MYLK3: variants seen among roughly 807,000 people sequenced by gnomAD.
The protein encoded by MYLK3 is MLC kinase.
Under a neutral mutation model 76.3 loss-of-function variants are expected in MYLK3, and 55 were observed. That is an observed-to-expected ratio of 0.72 (90% CI 0.58 to 0.90). The LOEUF (loss-of-function observed/expected upper bound fraction) is 0.90. Ranked by LOEUF, MYLK3 falls within the 40% of genes least tolerant of loss-of-function variation. The pLI, the probability that MYLK3 is intolerant of heterozygous loss-of-function variation, is 0.00. For missense variants in MYLK3, 973 were observed against 1,053.6 expected, an observed-to-expected ratio of 0.92 and a Z score of 1.06; for synonymous variants, 416 against 425.4, an observed-to-expected ratio of 0.98 and a Z score of 0.27.
chr16:46,707,496 G>T lies in MYLK3; in HGVS notation c.*208C>A. 1 of 533,898 alleles carries T rather than the reference G, an allele frequency of 1.9e-6. No individual in the cohort carries two copies. The allele number at this position is 533,898 out of a possible 1,614,324, so 33.1% of individuals were successfully genotyped here. On this transcript the variant is annotated 3_prime_UTR_variant, in exon 13 of 13. Coordinates refer to ENST00000394809, the MANE Select transcript of MYLK3 (RefSeq NM_182493.3). ...GTACTCAGAGCATTTCACACGTAGT[G>T]ATCTTACAAGGCAGAAAAAAACGTT...
chr16:46,720,234 G>A (rs1455473243), intron 9 of MYLK3, among the ~76,000 whole-genome samples: 3 of 152,000 alleles, frequency 2.0e-5, no homozygotes, highest in Non-Finnish European at 2.9e-5. Flanking sequence ...TTTATTTTTA[G>A]ACAGGGTCTA....
chr16:46,754,533 T>G (rs1409979111), intron 1 of MYLK3, among the ~76,000 whole-genome samples: 1 of 152,096 alleles, frequency 6.6e-6, no homozygotes, highest in Non-Finnish European at 1.5e-5. Flanking sequence ...ACTCAGCCCC[T>G]TCGCCATGGG....
chr16:46,738,944 G>A (rs373827583), intron 2 of MYLK3, among the ~76,000 whole-genome samples: 1 of 152,220 alleles, frequency 6.6e-6, no homozygotes, highest in South Asian at 2.1e-4. Flanking sequence ...TGGTCCAAGC[G>A]ATTCTCCTGC....
At chr16:46,716,495 ATATGTGTGTGTGTGTG>A (rs1453071578) in intron 9 of MYLK3, among the ~76,000 whole-genome samples, 2 of 145,088 alleles carry the variant, frequency 1.4e-5, no homozygotes, top group Non-Finnish European at 3.1e-5. Flanking sequence ...ATGTGTATAT[ATATGTGTGTGTGTGTG>A]TGTGTGTGTG....
Position 46,730,687 on chromosome 16 carries a change from C to T in MYLK3, c.1474G>A (p.Ala492Thr), listed in dbSNP as rs2143014869. 1 of 1,614,004 alleles carries T rather than the reference C, an allele frequency of 6.2e-7. No individual in the cohort carries two copies. The highest frequency in any genetic ancestry group is 2.2e-5 in the East Asian group (1 of 44,876). Residue 492 changes from alanine (A) to threonine (T), a missense_variant, in exon 5 of 13, where the codon GCC (alanine) becomes ACC (threonine). This residue lies in a region of MYLK3 where 332 missense variants were observed against 416.6 expected (regional missense o/e 0.80). Coordinates refer to ENST00000394809, the MANE Select transcript of MYLK3 (RefSeq NM_182493.3). ...CGGTGTTCAAAAGGAGCTGGTGGGG[C>T]CGGACTGTCATCTGCTCAGGAGGCA... ...AGSVVLDDSP[A>T]PPAPFEHRVV...
intron 1 of MYLK3, among the ~76,000 whole-genome samples, chr16:46,753,973 T>C (rs918921214): frequency 6.6e-6 from 1 of 152,152 alleles, no homozygotes; most frequent in African/African-American, 2.4e-5. Context: ...GGCTATTCCA[T>C]TCTTTAAAAA....
rs1414967633 is a variant in MYLK3 at position 46,729,144 on chromosome 16, C to T, written c.1663-11G>A. The stretch of plus-strand genomic sequence containing the variant: ...GTTCTTCACGTCCTCCTTGGGGGAA[C>T]CAGAGGACAGAAGGATTTCCAAGCG... On this transcript the variant is annotated splice_polypyrimidine_tract_variant and intron_variant, in intron 6 of 12. Coordinates refer to ENST00000394809, the MANE Select transcript of MYLK3 (RefSeq NM_182493.3). 2.5e-6 allele frequency: 4 copies of T among 1,606,354 alleles called. No homozygotes were observed. Among genetic ancestry groups the T allele is most frequent in the South Asian group, 2.2e-5 (2 of 90,974 alleles).
chr16:46,733,571 A>T (rs1244677254), intron 3 of MYLK3, among the ~76,000 whole-genome samples: 1 of 152,114 alleles, frequency 6.6e-6, no homozygotes, highest in Admixed American at 6.6e-5. Context: ...AGGGTTTGTG[A>T]GCCCAGATGG....
chr16:46,758,239 ATACACACACACACTGCCTCTCTCTCTC>A (rs1967225378), intron 1 of MYLK3, among the ~76,000 whole-genome samples: 1 of 151,138 alleles, frequency 6.6e-6, no homozygotes, highest in African/African-American at 2.4e-5. Context: ...ACACACTGCC[ATACACACACACACTGCCTCTCTCTCTC>A]CACACACACA....
intron 1 of MYLK3, 143 bp from the exon 2 acceptor site, chr16:46,740,290 G>T (rs1966907765): frequency 1.6e-6 from 1 of 634,510 alleles, no homozygotes; most frequent in Non-Finnish European, 2.8e-6. Context: ...TTGGAGAGTA[G>T]ATACTGCAAT....
chr16:46,725,675 C>G (rs1397507587), intron 8 of MYLK3: 1 of 152,092 alleles, frequency 6.6e-6, no homozygotes, highest in Non-Finnish European at 1.5e-5. Context: ...TTTGCTAATA[C>G]TTTATTGAGA....
chr16:46,717,355 C>A (rs1350948402), intron 9 of MYLK3, among the ~76,000 whole-genome samples: 1 of 152,306 alleles, frequency 6.6e-6, no homozygotes, highest in South Asian at 2.1e-4. Context: ...GAGAGTTTTT[C>A]CCCAAACAGC....
intron 6 of MYLK3, 89 bp downstream of exon 6, chr16:46,729,505 C>T (rs1966848269): frequency 8.3e-7 from 1 of 1,205,948 alleles, no homozygotes; most frequent in Non-Finnish European, 1.2e-6. Context: ...AGTAGCATTT[C>T]CAGCTCAGCA....
chr16:46,712,667 C>G lies in MYLK3; in HGVS notation c.2095G>C (p.Gly699Arg), dbSNP rs1263790395. The change falls in exon 10 of 13, where the codon GGA becomes CGA. Residue 699 changes from glycine (G) to arginine (R), a missense_variant. This residue lies in a region of MYLK3 where 332 missense variants were observed against 416.6 expected (regional missense o/e 0.80). Coordinates refer to ENST00000394809, the MANE Select transcript of MYLK3 (RefSeq NM_182493.3). Reference sequence around the variant, plus strand: ...ACTCACAGCATGTAGGTGATGACTCCCACACTCCACATGTCTGTGGGGAAT... The same window carrying G: ...ACTCACAGCATGTAGGTGATGACTCGCACACTCCACATGTCTGTGGGGAAT... ...VSFPTDMWSV[G>R]VITYMLLSGL... 11 of 1,563,432 alleles carry G rather than the reference C, an allele frequency of 7.0e-6. No individual in the cohort carries two copies. Among genetic ancestry groups the G allele is most frequent in the African/African-American group, 1.4e-5 (1 of 72,330 alleles).
At chr16:46,718,065 TG>T (rs1966762242) in intron 9 of MYLK3, among the ~76,000 whole-genome samples, 1 of 152,202 alleles carries the variant, frequency 6.6e-6, no homozygotes, top group Admixed American at 6.5e-5. Flanking sequence ...GCTATTGCAA[TG>T]GTTTGTGGCT....
At chr16:46,711,451 G>T in intron 10 of MYLK3, 1 of 238,032 alleles carries the variant, frequency 4.2e-6, no homozygotes, top group Non-Finnish European at 8.5e-6. Flanking sequence ...GCCACAAAGG[G>T]TATCCTGCCC....
At chr16:46,749,726 C>T (rs535518367), upstream of MYLK3, among the ~76,000 whole-genome samples, 1 of 152,308 alleles carries the variant, frequency 6.6e-6, no homozygotes, top group South Asian at 2.1e-4. Context: ...CAGAACGAGA[C>T]CCTGTCTTCA....
At position 46,729,120 on chromosome 16, in the gene MYLK3, T is replaced by C. The variant is rs1966847626; in HGVS notation, c.1676A>G (p.Asn559Ser). ...KSAKDREDVK[N>S]EINIMNQLSH... ...GAGCTGGTTCATGATGTTGATCTCG[T>C]TCTTCACGTCCTCCTTGGGGGAACC... Residue 559 changes from asparagine to serine, a missense_variant, in exon 7 of 13, where the codon AAC (asparagine) becomes AGC (serine). By Grantham distance (46) the Asn-to-Ser change is conservative. This residue lies in a region of MYLK3 where 332 missense variants were observed against 416.6 expected (regional missense o/e 0.80). Transcript: ENST00000394809. 6.2e-7 allele frequency: 1 copy of C among 1,613,882 alleles called. No individual in the cohort carries two copies. Among genetic ancestry groups the C allele is most frequent in the Non-Finnish European group, 8.5e-7 (1 of 1,179,840 alleles).
intron 1 of MYLK3, among the ~76,000 whole-genome samples, chr16:46,759,900 G>A (rs1167040712): frequency 5.3e-5 from 8 of 152,154 alleles, no homozygotes; most frequent in Admixed American, 3.3e-4. Context: ...CCCAAAGTGC[G>A]GGATTACAGG....
Sources: gnomAD v4.1 joint callset for allele counts (sites outside exome capture counted in the v4.1 genomes callset) on GRCh38, gnomAD v4.1.1 for gene constraint, gnomAD v4.1.1 regional missense constraint, MANE v1.5 for transcripts, NCBI Gene and HGNC (gene_info 2026-07-23, HGNC 2026-07-21) for gene names.